Variants in SH3KBP1 observed in about 807,000 individuals in gnomAD.
SH3KBP1 encodes SH3 domain-containing kinase-binding protein 1.
A neutral mutation model predicts 50.1 loss-of-function variants in SH3KBP1; 8 were observed. The observed-to-expected ratio is 0.16, with a 90% CI of 0.09 to 0.29. The LOEUF (loss-of-function observed/expected upper bound fraction) is 0.29, where lower values mean the gene tolerates loss of function less well. Ranked by LOEUF, SH3KBP1 falls within the 10% of genes least tolerant of loss-of-function variation. SH3KBP1 has a pLI of 1.00. For missense variants in SH3KBP1, 377 were observed against 535.2 expected (o/e 0.70, Z 2.92); for synonymous variants, 227 against 218.6 (o/e 1.04, Z -0.34).
intron 2 of SH3KBP1, among the ~76,000 whole-genome samples, chrX:19,815,339 T>G (rs1375928112): frequency 9.0e-6 from 1 of 110,943 alleles, no homozygotes; most frequent in Admixed American, 9.6e-5. Flanking sequence ...AATTATCTAC[T>G]CACAAGAACT....
chrX:19,625,889 T>A (rs1425073182), intron 8 of SH3KBP1, among the ~76,000 whole-genome samples: 2 of 111,888 alleles, frequency 1.8e-5, no homozygotes, highest in Non-Finnish European at 3.8e-5. Context: ...GGTCAGCAGA[T>A]GCCTCTGACC....
chrX:19,739,909 G>A (rs957968793), intron 3 of SH3KBP1, among the ~76,000 whole-genome samples: 3 of 110,428 alleles, frequency 2.7e-5, no homozygotes, highest in South Asian at 3.9e-4. Flanking sequence ...GGATTTGGGC[G>A]GACACCAGCA....
intron 9 of SH3KBP1, among the ~76,000 whole-genome samples, chrX:19,600,111 A>G (rs1347116150): frequency 9.3e-6 from 1 of 107,357 alleles, no homozygotes; most frequent in African/African-American, 3.4e-5. Context: ...AAAAAAAAAA[A>G]AAAAAAAAAT....
At chrX:19,886,839 A>AAC (rs1364027122) in intron 1 of SH3KBP1, among the ~76,000 whole-genome samples, 1 of 76,998 alleles carries the variant, frequency 1.3e-5, no homozygotes, top group Non-Finnish European at 2.4e-5. Context: ...CAGCAAAGGC[A>AAC]ACCCAGCCCC....
Position 19,550,050 on chromosome X carries a change from G to A in SH3KBP1, c.1418C>T (p.Thr473Ile). The stretch of plus-strand genomic sequence containing the variant: ...TGTGGTCGGATGACTGAGTTTCTCA[G>A]TAGATGATACCACGGAGTCAAAACC... ...LEGFDSVVSS[T>I]EKLSHPTTSR... The change falls in exon 14 of 18, where the codon ACT (threonine) becomes ATT (isoleucine). Residue 473 changes from threonine to isoleucine, a missense_variant. Transcript: ENST00000397821. 1 of 1,209,461 alleles carries A rather than the reference G, an allele frequency of 8.3e-7. No individual in the cohort carries two copies. The highest frequency in any genetic ancestry group is 1.8e-5 in the South Asian group (1 of 56,662).
chrX:19,804,302 G>A (rs1255788382), intron 2 of SH3KBP1, among the ~76,000 whole-genome samples: 1 of 110,857 alleles, frequency 9.0e-6, no homozygotes, highest in African/African-American at 3.3e-5. Flanking sequence ...TCCATATTTG[G>A]GCCCCGGCTT....
intron 1 of SH3KBP1, among the ~76,000 whole-genome samples, chrX:19,872,486 T>C (rs1346294741): frequency 2.7e-5 from 3 of 109,432 alleles, no homozygotes; most frequent in African/African-American, 1.0e-4. Context: ...GAAGTATCAG[T>C]TGGGGCCGGG....
intron 7 of SH3KBP1, among the ~76,000 whole-genome samples, chrX:19,633,345 T>G (rs987816172): frequency 8.9e-6 from 1 of 112,070 alleles, no homozygotes; most frequent in South Asian, 3.7e-4. Flanking sequence ...CTTTTGCCCC[T>G]TAACCTGTGC....
rs940248013 is a variant in SH3KBP1, at chrX:19,683,998, T to C, written c.551A>G (p.Asp184Gly). Residue 184 changes from aspartate (D) to glycine (G), a missense_variant, in exon 6 of 18, where the codon GAT becomes GGT. This residue lies in a region of SH3KBP1 where 257 missense variants were observed against 374.2 expected (regional missense o/e 0.69). Coordinates refer to ENST00000397821, the MANE Select transcript of SH3KBP1 (RefSeq NM_031892.3). ...SLRETTGSES[D>G]GGDSSSTKSE... is the part of the protein sequence containing the mutation. ...CTTGGTGCTGCTTGAGTCACCCCCA[T>C]CACTCTCGGAGCCTGTGGTTTCCCT... The C allele has an allele frequency of 5.8e-6, 7 of 1,208,571 alleles. No individual in the cohort carries two copies. Among genetic ancestry groups the C allele is most frequent in the Non-Finnish European group, 6.7e-6 (6 of 894,620 alleles).
Position 19,776,755 on chromosome X carries a change from C to T in SH3KBP1, c.163-30314G>A, listed in dbSNP as rs762050645. Among the ~76,000 whole-genome samples the T allele has an allele frequency of 8.3e-5, 9 of 108,826 alleles. No homozygotes were observed. The South Asian group carries it at 3.2e-3, about 39-fold the overall frequency. The allele number at this position is 108,826 out of a possible 115,157, so 94.5% of individuals were successfully genotyped here. A position where few individuals can be genotyped will look rare whatever the true frequency, so the allele number is the denominator to read the frequency against. The stretch of plus-strand genomic sequence containing the variant: ...TTTTTGTAGAGACAAGGTCTTGCTA[C>T]GTTTCCCAGGATGGTCTCAAACTCC... On this transcript the variant is annotated intron_variant, in intron 2 of 17. Coordinates refer to ENST00000397821, the MANE Select transcript of SH3KBP1 (RefSeq NM_031892.3).
intron 12 of SH3KBP1, among the ~76,000 whole-genome samples, chrX:19,570,066 C>T (rs1429646211): frequency 6.2e-5 from 7 of 112,192 alleles, no homozygotes; most frequent in Non-Finnish European, 1.3e-4. Flanking sequence ...CCACCATGGC[C>T]TGAAGTTACA....
chrX:19,764,168 A>G (rs1490133846), intron 2 of SH3KBP1, among the ~76,000 whole-genome samples: 1 of 110,446 alleles, frequency 9.1e-6, no homozygotes, highest in Non-Finnish European at 1.9e-5. Flanking sequence ...AATAACTCAC[A>G]TGGGGAATTA....
chrX:19,543,716 C>T (rs1355244698), intron 15 of SH3KBP1, among the ~76,000 whole-genome samples: 4 of 111,224 alleles, frequency 3.6e-5, no homozygotes, highest in African/African-American at 6.6e-5. Context: ...CTGCATGATA[C>T]GCTGAGAGAA....
intron 14 of SH3KBP1, among the ~76,000 whole-genome samples, chrX:19,546,810 C>T (rs1053665189): frequency 3.6e-5 from 4 of 111,460 alleles, no homozygotes; most frequent in Non-Finnish European, 7.5e-5. Flanking sequence ...AAATATAGGA[C>T]GACACCCCTG....
intron 3 of SH3KBP1, among the ~76,000 whole-genome samples, chrX:19,734,468 A>T (rs1276199030): frequency 8.9e-6 from 1 of 112,231 alleles, no homozygotes; most frequent in African/African-American, 3.2e-5. Context: ...AAAGAGAAAG[A>T]GGCAGACAGA....
intron 6 of SH3KBP1, among the ~76,000 whole-genome samples, chrX:19,674,275 G>A (rs2062873415): frequency 9.0e-6 from 1 of 110,666 alleles, no homozygotes; most frequent in South Asian, 3.8e-4. Flanking sequence ...AACCTGTCAG[G>A]TTAAAAAAAA....
At chrX:19,766,392 A>G (rs1222080465) in intron 2 of SH3KBP1, among the ~76,000 whole-genome samples, 1 of 98,829 alleles carries the variant, frequency 1.0e-5, no homozygotes, top group Non-Finnish European at 2.0e-5. Context: ...GGAGTTCTTT[A>G]TAGATTCTGG....
intron 3 of SH3KBP1, among the ~76,000 whole-genome samples, chrX:19,715,274 CAAA>C (rs35221727): frequency 2.5e-5 from 1 of 40,324 alleles, no homozygotes. Context: ...ACCTTGTCTC[CAAA>C]AAAAAAAAAA....
At chrX:19,829,616 C>T (rs888689134) in intron 2 of SH3KBP1, among the ~76,000 whole-genome samples, 14 of 106,639 alleles carry the variant, frequency 1.3e-4, no homozygotes, top group African/African-American at 4.8e-4. Flanking sequence ...CATGGTGGCA[C>T]GCACCTGTAG....
Sources: gnomAD v4.1 joint callset for allele counts (sites outside exome capture counted in the v4.1 genomes callset) on GRCh38, gnomAD v4.1.1 for gene constraint, gnomAD v4.1.1 regional missense constraint, MANE v1.5 for transcripts, NCBI Gene and HGNC (gene_info 2026-07-23, HGNC 2026-07-21) for gene names.